The following FLT3 variants were observed in gnomAD, a reference collection of about 807,000 sequenced individuals.
FLT3 encodes the protein fms related receptor tyrosine kinase 3.
In FLT3, 46 loss-of-function variants were observed where a neutral mutation model predicts 126.6. That is an observed-to-expected ratio of 0.36 (90% CI 0.29 to 0.46). The LOEUF (loss-of-function observed/expected upper bound fraction) is 0.46. FLT3 is among the 20% of genes least tolerant of loss of function. The probability of loss-of-function intolerance (pLI) is 1.00; values close to 1 mark genes in which losing one functional copy is unlikely to be tolerated. For missense variants in FLT3, 1,069 were observed against 1,190.3 expected, an observed-to-expected ratio of 0.90 and a Z score of 1.50; for synonymous variants, 404 against 434.4, an observed-to-expected ratio of 0.93 and a Z score of 0.87.
chr13:28,023,602 C>T, intron 18 of FLT3, 125 bp from the exon 19 acceptor site: 1 of 1,028,582 alleles, frequency 9.7e-7, no homozygotes, highest in Non-Finnish European at 1.4e-6. Flanking sequence ...ATCGCATTAT[C>T]TTCCCGGCAG....
At chr13:28,019,020 T>G (rs1305719638) in intron 19 of FLT3, among the ~76,000 whole-genome samples, 2 of 148,870 alleles carry the variant, frequency 1.3e-5, no homozygotes, top group Admixed American at 1.4e-4. Context: ...CAGGCTGGAG[T>G]GCAATGGCGT....
intron 9 of FLT3, among the ~76,000 whole-genome samples, chr13:28,041,264 G>C (rs1326931235): frequency 6.6e-6 from 1 of 152,272 alleles, no homozygotes; most frequent in South Asian, 2.1e-4. Context: ...TTCTAAGAGA[G>C]AAAGTGTAAT....
rs755381883 is a variant in FLT3 at position 28,057,380 on chromosome 13, T to C, written c.451A>G (p.Asn151Asp). 3 of 1,542,216 alleles carry C rather than the reference T, an allele frequency of 1.9e-6. No individual in the cohort carries two copies. Among genetic ancestry groups the C allele is most frequent in the Non-Finnish European group, 2.7e-6 (3 of 1,114,426 alleles). ...CTCACTGTAAACAATATTGTGTAAT[T>C]GGTAGCTTCACTCTGAATAAAAAGT... ...YLLFIQSEAT[N>D]YTILFTVSIR... Residue 151 changes from asparagine to aspartate, a missense_variant, in exon 4 of 24, where the codon AAT becomes GAT. By Grantham distance (23) the Asn-to-Asp change is conservative (BLOSUM62 1). Transcript: ENST00000241453.
intron 4 of FLT3, among the ~76,000 whole-genome samples, chr13:28,055,665 A>T: frequency 6.6e-6 from 1 of 152,224 alleles, no homozygotes; most frequent in Non-Finnish European, 1.5e-5. Context: ...TACCTGAATA[A>T]CTGTTGTTAC....
At chr13:28,039,881 T>TG (rs1278312985) in intron 9 of FLT3, among the ~76,000 whole-genome samples, 2 of 152,012 alleles carry the variant, frequency 1.3e-5, no homozygotes, top group African/African-American at 4.8e-5. Flanking sequence ...TCTGTACAGA[T>TG]GGGGTCTCAC....
At chr13:28,066,669 A>G (rs886942245) in intron 2 of FLT3, among the ~76,000 whole-genome samples, 1 of 152,224 alleles carries the variant, frequency 6.6e-6, no homozygotes, top group African/African-American at 2.4e-5. Context: ...AAAAAATTGA[A>G]TAAATACATA....
intron 15 of FLT3, among the ~76,000 whole-genome samples, chr13:28,032,075 G>A (rs1229054978): frequency 1.3e-5 from 2 of 152,146 alleles, no homozygotes; most frequent in Non-Finnish European, 2.9e-5. Flanking sequence ...GAAAGAGGAA[G>A]GTGTCAAGGA....
At chr13:28,040,128 G>A (rs544577838) in intron 9 of FLT3, among the ~76,000 whole-genome samples, 50 of 152,254 alleles carry the variant, frequency 3.3e-4, no homozygotes, top group African/African-American at 1.1e-3. Flanking sequence ...TGTTTGTGAC[G>A]GAAATTGAGG....
intron 15 of FLT3, among the ~76,000 whole-genome samples, chr13:28,033,297 A>AAAAATAAAAC (rs71086818): frequency 0.96 from 145,148 of 151,802 alleles, 69,709 homozygotes; most frequent in Non-Finnish European, 1. Context: ...TCCTGTCTCT[A>AAAAATAAAAC]AAAATAAAAC....
At chr13:28,083,909 T>C (rs1030295766) in intron 1 of FLT3, among the ~76,000 whole-genome samples, 3 of 152,188 alleles carry the variant, frequency 2.0e-5, no homozygotes, top group Admixed American at 1.3e-4. Flanking sequence ...ACTGATTTTA[T>C]TGATCTTTTA....
chr13:28,082,505 T>C (rs1878392804), intron 1 of FLT3, among the ~76,000 whole-genome samples: 1 of 151,594 alleles, frequency 6.6e-6, no homozygotes, highest in Non-Finnish European at 1.5e-5. Context: ...AGGAGGAATT[T>C]TTTTTTTTGA....
chr13:28,045,694 T>C (rs922581724), intron 9 of FLT3, among the ~76,000 whole-genome samples: 5 of 152,108 alleles, frequency 3.3e-5, no homozygotes, highest in East Asian at 3.9e-4. Context: ...ACCCCGTCTC[T>C]ATTAAAAATA....
At chr13:28,025,609 A>G (rs1311779594) in intron 17 of FLT3, among the ~76,000 whole-genome samples, 1 of 152,226 alleles carries the variant, frequency 6.6e-6, no homozygotes, top group Non-Finnish European at 1.5e-5. Context: ...TCCAAAAGGA[A>G]TAATTTCAGT....
Position 28,100,258 on chromosome 13 carries a change from G to A in FLT3, c.43+210C>T, listed in dbSNP as rs1196845101. On this transcript the variant is annotated intron_variant, in intron 1 of 23. Coordinates refer to ENST00000241453, the MANE Select transcript of FLT3 (RefSeq NM_004119.3). This position sits in a 1 kb window ranked among gnomAD's most constrained non-coding sequence, Gnocchi z 4.8. ...GAGAGACTTCGGAGAAGAGGGAAGA[G>A]GACGCGGGGTGGGAAACGCCGGGGC... Among the ~76,000 whole-genome samples, 3 of 152,260 alleles carry A rather than the reference G, an allele frequency of 2.0e-5. No individual in the cohort carries two copies. The highest frequency in any genetic ancestry group is 4.8e-5 in the African/African-American group (2 of 41,574).
chr13:28,019,163 C>T (rs4265672), intron 19 of FLT3, among the ~76,000 whole-genome samples: 23,898 of 152,010 alleles, frequency 0.16, 2,210 homozygotes, highest in Middle Eastern at 0.26. Flanking sequence ...GACGGCGTTT[C>T]GCCATGTTGG....
At chr13:28,012,627 T>C (rs1042142671) in intron 23 of FLT3, among the ~76,000 whole-genome samples, 3 of 152,084 alleles carry the variant, frequency 2.0e-5, no homozygotes, top group Non-Finnish European at 4.4e-5. Context: ...AACTATGCAA[T>C]GAGTAACATC....
intron 2 of FLT3, 85 bp from the exon 3 acceptor site, chr13:28,062,154 T>C: frequency 2.0e-6 from 2 of 1,016,692 alleles, no homozygotes; most frequent in South Asian, 1.4e-5. Flanking sequence ...TTATCAAACA[T>C]ATGCATGCTG....
chr13:28,095,908 T>C (rs1879422137), intron 1 of FLT3, among the ~76,000 whole-genome samples: 1 of 152,158 alleles, frequency 6.6e-6, no homozygotes, highest in African/African-American at 2.4e-5. Context: ...ATGTGGTCAA[T>C]ACCTTTGCTT....
intron 9 of FLT3, among the ~76,000 whole-genome samples, chr13:28,044,103 G>A (rs1004203408): frequency 1.3e-5 from 2 of 150,306 alleles, no homozygotes; most frequent in African/African-American, 4.9e-5. Context: ...CCAAGATTGC[G>A]CCACTGCACT....
Sources: allele counts gnomAD v4.1 joint callset (sites outside exome capture counted in the v4.1 genomes callset), GRCh38; gene constraint gnomAD v4.1.1; non-coding constraint Gnocchi (gnomAD v3.1); transcripts MANE v1.5; gene names NCBI Gene and HGNC (gene_info 2026-07-23, HGNC 2026-07-21).